KHDRBS2: variants seen among roughly 807,000 people sequenced by gnomAD.
KHDRBS2 encodes KH domain-containing, RNA-binding, signal transduction-associated protein 2.
A neutral mutation model predicts 44.3 loss-of-function variants in KHDRBS2; 26 were observed. The observed-to-expected ratio is 0.59, with a 90% CI of 0.43 to 0.81. The LOEUF is 0.81. Ranked by LOEUF, KHDRBS2 falls within the 40% of genes least tolerant of loss-of-function variation. KHDRBS2 has a pLI of 0.00. For synonymous variants in KHDRBS2, 194 were observed against 151.1 expected (o/e 1.28, Z -2.08); for missense variants, 476 against 433.1 (o/e 1.10, Z -0.88).
At chr6:62,073,036 T>G (rs1032968437) in intron 2 of KHDRBS2, among the ~76,000 whole-genome samples, 1 of 152,108 alleles carries the variant, frequency 6.6e-6, no homozygotes, top group South Asian at 2.1e-4. Context: ...ATCGGTCTAT[T>G]CAGAGATTCA....
At chr6:61,568,312 T>C in the KHDRBS2 span, among the ~76,000 whole-genome samples, 41 of 152,324 alleles carry the variant, frequency 2.7e-4, no homozygotes, top group African/African-American at 9.1e-4. Flanking sequence ...AAGATTTCTT[T>C]GGCTGCTCAG....
chr6:61,584,558 T>C, the KHDRBS2 span, among the ~76,000 whole-genome samples: 1 of 151,884 alleles, frequency 6.6e-6, no homozygotes, highest in Non-Finnish European at 1.5e-5. Flanking sequence ...AAAACGTTTA[T>C]CATTTTTTGT....
At chr6:61,965,940 C>A (rs1478795546) in intron 4 of KHDRBS2, among the ~76,000 whole-genome samples, 1 of 152,014 alleles carries the variant, frequency 6.6e-6, no homozygotes, top group African/African-American at 2.4e-5. Context: ...TAATGAGCTA[C>A]ATTTCCTGAT....
At chr6:62,250,234 T>C (rs1836289731) in intron 1 of KHDRBS2, among the ~76,000 whole-genome samples, 1 of 152,108 alleles carries the variant, frequency 6.6e-6, no homozygotes, top group African/African-American at 2.4e-5. Flanking sequence ...TTATAAATTA[T>C]TGTTTAGACA....
chr6:61,934,533 A>T (rs1174720570), intron 4 of KHDRBS2, among the ~76,000 whole-genome samples: 1 of 152,208 alleles, frequency 6.6e-6, no homozygotes, highest in Non-Finnish European at 1.5e-5. Flanking sequence ...ATTCAAAGTC[A>T]GTAGATTATC....
chr6:61,779,713 T>G (rs1252777648), intron 6 of KHDRBS2, among the ~76,000 whole-genome samples: 1 of 152,178 alleles, frequency 6.6e-6, no homozygotes, highest in South Asian at 2.1e-4. Context: ...CCAACTAATA[T>G]TCAATGAGTG....
At chr6:61,586,002 G>A in the KHDRBS2 span, among the ~76,000 whole-genome samples, 1 of 152,054 alleles carries the variant, frequency 6.6e-6, no homozygotes, top group African/African-American at 2.4e-5. Flanking sequence ...ACTATGAAGG[G>A]GAAGTTTGTT....
At chr6:61,853,919 A>G (rs1795806145) in intron 6 of KHDRBS2, among the ~76,000 whole-genome samples, 1 of 152,200 alleles carries the variant, frequency 6.6e-6, no homozygotes, top group Non-Finnish European at 1.5e-5. Flanking sequence ...ATACTGTCTT[A>G]AGAATGTTTT....
At chr6:61,795,882 C>T (rs1785281637) in intron 6 of KHDRBS2, among the ~76,000 whole-genome samples, 1 of 151,822 alleles carries the variant, frequency 6.6e-6, no homozygotes, top group South Asian at 2.1e-4. Flanking sequence ...TATATTTTTA[C>T]TATCTTAGGA....
At chr6:61,878,026 T>C (rs1326336480) in intron 6 of KHDRBS2, among the ~76,000 whole-genome samples, 1 of 151,594 alleles carries the variant, frequency 6.6e-6, no homozygotes, top group Non-Finnish European at 1.5e-5. Context: ...ATGTCTTATG[T>C]AATGAGAAAA....
chr6:61,577,503 T>C, the KHDRBS2 span, among the ~76,000 whole-genome samples: 4 of 152,098 alleles, frequency 2.6e-5, no homozygotes, highest in African/African-American at 9.7e-5. Flanking sequence ...AGACTTTTGA[T>C]ATGGAAAAAA....
At chr6:61,612,921 C>T in the KHDRBS2 span, among the ~76,000 whole-genome samples, 7 of 138,478 alleles carry the variant, frequency 5.1e-5, no homozygotes, top group Non-Finnish European at 1.1e-4. Flanking sequence ...GGCGCGATCT[C>T]GGCTGACGGC....
At chr6:62,211,955 A>C (rs1373969740) in intron 1 of KHDRBS2, among the ~76,000 whole-genome samples, 1 of 152,248 alleles carries the variant, frequency 6.6e-6, no homozygotes, top group Non-Finnish European at 1.5e-5. Flanking sequence ...GTACATATAC[A>C]CAATGGAATA....
chr6:62,103,585 C>A (rs568006708), intron 2 of KHDRBS2, among the ~76,000 whole-genome samples: 122 of 125,874 alleles, frequency 9.7e-4, no homozygotes, highest in Non-Finnish European at 1.1e-3. Context: ...GATGTCTGGT[C>A]TGGGTCCAGA....
rs767893776 is a variant in KHDRBS2 at position 61,848,576 on chromosome 6, CAT to C, written c.810+46057_810+46058del. Among the ~76,000 whole-genome samples, 59 of 29,988 alleles carry C rather than the reference CAT, an allele frequency of 2.0e-3. 5 individuals are homozygous for C. The East Asian group carries it at 0.031, about 16-fold the overall frequency. The allele number at this position is 29,988 out of a possible 152,430, so 19.7% of individuals were successfully genotyped here. ...ACATATATATATGTATATATATATA[CAT>C]ATATATATATATATACTTTTTTTTA... On this transcript the variant is annotated intron_variant, in intron 6 of 8. Transcript: ENST00000281156.
At chr6:61,787,032 TATA>T (rs550863645) in intron 6 of KHDRBS2, among the ~76,000 whole-genome samples, 30 of 148,568 alleles carry the variant, frequency 2.0e-4, no homozygotes, top group Non-Finnish European at 3.7e-4. Flanking sequence ...TAATGTAGTT[TATA>T]ATATTATATA....
chr6:61,803,718 G>C (rs1786660314), intron 6 of KHDRBS2, among the ~76,000 whole-genome samples: 1 of 152,104 alleles, frequency 6.6e-6, no homozygotes, highest in Non-Finnish European at 1.5e-5. Context: ...TGACTGTGGA[G>C]GCCTCAGGAA....
At chr6:61,774,684 G>A (rs1781633459) in intron 6 of KHDRBS2, among the ~76,000 whole-genome samples, 1 of 152,106 alleles carries the variant, frequency 6.6e-6, no homozygotes, top group Admixed American at 6.6e-5. Flanking sequence ...AGGACCAGAT[G>A]GATTCACAGC....
At chr6:62,050,310 T>G (rs144900891) in intron 2 of KHDRBS2, among the ~76,000 whole-genome samples, 9 of 151,592 alleles carry the variant, frequency 5.9e-5, no homozygotes, top group Admixed American at 5.9e-4. Flanking sequence ...GGGAGGGATA[T>G]CATTAGGAGA....
Sources: gnomAD v4.1 joint callset for allele counts (sites outside exome capture counted in the v4.1 genomes callset) on GRCh38, gnomAD v4.1.1 for gene constraint, MANE v1.5 for transcripts, NCBI Gene and HGNC (gene_info 2026-07-23, HGNC 2026-07-21) for gene names.